FMN2: variants seen among roughly 807,000 people sequenced by gnomAD.
The protein encoded by FMN2 is formin 2, also known as formin-2.
Under a neutral mutation model 142.3 loss-of-function variants are expected in FMN2, and 51 were observed. The observed-to-expected ratio is 0.36, with a 90% CI of 0.29 to 0.45. The LOEUF is 0.45. Ranked by LOEUF, FMN2 falls within the 20% of genes least tolerant of loss-of-function variation. The pLI, the probability that FMN2 is intolerant of heterozygous loss-of-function variation, is 1.00. For synonymous variants in FMN2, 882 were observed against 869.8 expected (o/e 1.01, Z -0.25); for missense variants, 1,936 against 2,122.8 (o/e 0.91, Z 1.73).
chr1:240,361,182 T>TATAA (rs1558452707), intron 14 of FMN2, among the ~76,000 whole-genome samples: 8 of 103,482 alleles, frequency 7.7e-5, no homozygotes, highest in South Asian at 2.6e-4. Context: ...TATATATATA[T>TATAA]ATAAAAGAGT....
In FMN2 at chr1:240,208,848, G is replaced by A. The variant is rs1006648334; in HGVS notation, c.3920+116G>A. On this transcript the variant is annotated intron_variant, in intron 5 of 17. Coordinates refer to ENST00000319653, the MANE Select transcript of FMN2 (RefSeq NM_020066.5). ...ATTTTTAAGCACAACTCTAAAACTC[G>A]TCTAGATTTTTACATCAATATATAG... 8 of 1,345,942 alleles carry A rather than the reference G, an allele frequency of 5.9e-6. No individual in the cohort carries two copies. The African/African-American group carries it at 7.3e-5, about 12-fold the overall frequency. 83.4% of individuals were successfully genotyped at this position (1,345,942 alleles called of 1,614,324 possible).
At chr1:240,320,774 T>C (rs1288802995) in intron 8 of FMN2, among the ~76,000 whole-genome samples, 1 of 152,182 alleles carries the variant, frequency 6.6e-6, no homozygotes, top group African/African-American at 2.4e-5. Flanking sequence ...GCCATTCTTT[T>C]TGAGGGGATC....
chr1:240,402,578 C>T (rs1674027826), intron 15 of FMN2, among the ~76,000 whole-genome samples: 1 of 152,206 alleles, frequency 6.6e-6, no homozygotes. Context: ...TGGATTTCGG[C>T]AGAATATTGT....
chr1:240,400,817 C>A (rs12405177), intron 15 of FMN2: 12,434 of 152,126 alleles, frequency 0.082, 591 homozygotes, highest in East Asian at 0.13. Flanking sequence ...CACACACACA[C>A]AATTGAAACA....
At chr1:240,402,010 A>G (rs1223741625) in intron 15 of FMN2, among the ~76,000 whole-genome samples, 1 of 152,216 alleles carries the variant, frequency 6.6e-6, no homozygotes, top group African/African-American at 2.4e-5. Context: ...AGCTTCTTCA[A>G]GTGTGGCTCC....
At chr1:240,183,566 C>G (rs1665243404) in intron 3 of FMN2, among the ~76,000 whole-genome samples, 1 of 150,682 alleles carries the variant, frequency 6.6e-6, no homozygotes, top group South Asian at 2.1e-4. Context: ...TATATATACA[C>G]ACACACATGC....
At chr1:240,322,824 C>G (rs1323493905) in intron 8 of FMN2, among the ~76,000 whole-genome samples, 1 of 152,104 alleles carries the variant, frequency 6.6e-6, no homozygotes, top group African/African-American at 2.4e-5. Context: ...CTGTGGTCCC[C>G]TTGGTGTTCC....
intron 8 of FMN2, among the ~76,000 whole-genome samples, chr1:240,311,694 A>G (rs1432645353): frequency 2.0e-5 from 3 of 152,196 alleles, no homozygotes; most frequent in East Asian, 3.8e-4. Context: ...TTTGATAGTT[A>G]TGCTTCTTTT....
At chr1:240,299,100 G>A (rs543130090) in intron 8 of FMN2, among the ~76,000 whole-genome samples, 127 of 151,838 alleles carry the variant, frequency 8.4e-4, no homozygotes, top group Non-Finnish European at 1.6e-3. Context: ...GGCACCCACC[G>A]CCACACCGGG....
intron 11 of FMN2, 145 bp downstream of exon 11, chr1:240,330,894 G>A: frequency 5.5e-6 from 5 of 906,722 alleles, no homozygotes; most frequent in Non-Finnish European, 7.7e-6. Context: ...AAAAAGTAAT[G>A]TCCATCAGAT....
intron 2 of FMN2, chr1:240,143,454 A>C: frequency 6.7e-7 from 1 of 1,485,370 alleles, no homozygotes; most frequent in Non-Finnish European, 9.4e-7. Flanking sequence ...CCATGTCAGC[A>C]GGGGTTTCCT....
chr1:240,288,330 C>A (rs34258580), intron 7 of FMN2, among the ~76,000 whole-genome samples: 2 of 152,052 alleles, frequency 1.3e-5, no homozygotes, highest in African/African-American at 2.4e-5. Context: ...TAGGTTATGC[C>A]TAAACCAGAA....
Position 240,092,994 on chromosome 1 carries a change from C to G in FMN2, c.885C>G (p.Ser295=). The G allele has an allele frequency of 7.1e-7, 1 of 1,401,744 alleles. No homozygotes were observed. Among genetic ancestry groups the G allele is most frequent in the Non-Finnish European group, 9.2e-7 (1 of 1,087,210 alleles). 86.8% of individuals were successfully genotyped at this position (1,401,744 alleles called of 1,614,324 possible). Residue 295 remains serine, a synonymous_variant, in exon 1 of 18, where the codon TCC becomes TCG. Coordinates refer to ENST00000319653, the MANE Select transcript of FMN2 (RefSeq NM_020066.5). ...CCCGGGAGCCCCAGCAACCGCCGTC[C>G]CCCGGCGGCCTCCCGGTCTCCGAGG... The part of the protein sequence containing the change: ...AEPREPQQPP[S]PGGLPVSEAP...
chr1:240,421,375 A>G (rs549477459), intron 15 of FMN2, among the ~76,000 whole-genome samples: 5 of 152,162 alleles, frequency 3.3e-5, no homozygotes, highest in Non-Finnish European at 5.9e-5. Context: ...CCTTTTCCAG[A>G]TAATATAACA....
At chr1:240,241,825 C>CTTCTTT (rs1667908718) in intron 6 of FMN2, among the ~76,000 whole-genome samples, 3 of 96,232 alleles carry the variant, frequency 3.1e-5, no homozygotes, top group Non-Finnish European at 6.4e-5. Context: ...GTGTGCCTTG[C>CTTCTTT]TTTTTTTTTT....
At chr1:240,436,335 C>CTT (rs1480851537) in intron 15 of FMN2, among the ~76,000 whole-genome samples, 3 of 152,166 alleles carry the variant, frequency 2.0e-5, no homozygotes, top group Non-Finnish European at 4.4e-5. Flanking sequence ...CTGCCTAGAG[C>CTT]TTAAAAAGCT....
In FMN2 at chr1:240,207,723, C is replaced by G; in HGVS notation, c.2911C>G (p.Pro971Ala). The change falls in exon 5 of 18, where the codon CCC becomes GCC. Residue 971 changes from proline to alanine, a missense_variant. By Grantham distance (27) the Pro-to-Ala change is conservative. Transcript: ENST00000319653. ...AGGCATACCCCTTCCTCCCCCTCTTCCCGGAGCAGGAATACCTCCTCCACC... is the reference window on the plus strand; with the variant it reads ...AGGCATACCCCTTCCTCCCCCTCTTGCCGGAGCAGGAATACCTCCTCCACC... ...GAGIPLPPPL[P>A]GAGIPPPPPL... 2 of 1,475,600 alleles carry G rather than the reference C, an allele frequency of 1.4e-6. No homozygotes were observed. Among genetic ancestry groups the G allele is most frequent in the Non-Finnish European group, 1.9e-6 (2 of 1,076,350 alleles). 91.4% of individuals were successfully genotyped at this position (1,475,600 alleles called of 1,614,324 possible).
At chr1:240,216,471 G>A (rs1405560062) in intron 6 of FMN2, among the ~76,000 whole-genome samples, 1 of 152,060 alleles carries the variant, frequency 6.6e-6, no homozygotes, top group Non-Finnish European at 1.5e-5. Context: ...TAATCTATCA[G>A]ATTAAAATTC....
chr1:240,461,022 C>T (rs1261194230), intron 16 of FMN2, among the ~76,000 whole-genome samples: 5 of 152,166 alleles, frequency 3.3e-5, no homozygotes, highest in Non-Finnish European at 7.3e-5. Context: ...TTCTGGGTCT[C>T]ATAATAAAAA....
Sources: allele counts gnomAD v4.1 joint callset (sites outside exome capture counted in the v4.1 genomes callset), GRCh38; gene constraint gnomAD v4.1.1; transcripts MANE v1.5; gene names NCBI Gene and HGNC (gene_info 2026-07-23, HGNC 2026-07-21).